GNPNAT1: variants seen among roughly 807,000 people sequenced by gnomAD.
The protein encoded by GNPNAT1 is glucosamine-phosphate N-acetyltransferase 1.
Under a neutral mutation model 19.8 loss-of-function variants are expected in GNPNAT1, and 11 were observed. The ratio of observed to expected loss-of-function variants is 0.56; its 90% CI spans 0.35 to 0.92. The LOEUF is 0.92. Ranked by LOEUF, GNPNAT1 falls within the 40% of genes least tolerant of loss-of-function variation. The pLI is 0.01. For synonymous variants in GNPNAT1, 71 were observed against 72.3 expected, an observed-to-expected ratio of 0.98 and a Z score of 0.09; for missense variants, 157 against 211.0, an observed-to-expected ratio of 0.74 and a Z score of 1.59.
intron 5 of GNPNAT1, among the ~76,000 whole-genome samples, chr14:52,779,740 A>AAC (rs1882841340): frequency 6.6e-6 from 1 of 150,810 alleles, no homozygotes; most frequent in Non-Finnish European, 1.5e-5. Flanking sequence ...AAAAAAAAAA[A>AAC]AAAAAAAAAA....
chr14:52,785,914 G>GT (rs1009700408), intron 1 of GNPNAT1, among the ~76,000 whole-genome samples: 7 of 150,008 alleles, frequency 4.7e-5, no homozygotes, highest in African/African-American at 9.7e-5. Flanking sequence ...CGCCCAGCTA[G>GT]TTTTTTTTGT....
At chr14:52,782,759 A>T (rs903136275) in intron 3 of GNPNAT1, among the ~76,000 whole-genome samples, 6 of 152,100 alleles carry the variant, frequency 3.9e-5, no homozygotes, top group African/African-American at 1.4e-4. Context: ...AATAGAATTC[A>T]ATACAAAATT....
Position 52,778,452 on chromosome 14 carries a change from T to G in GNPNAT1, c.414A>C (p.Leu138Phe). Residue 138 changes from leucine to phenylalanine, a missense_variant, in exon 6 of 6, where the codon TTA becomes TTC. Coordinates refer to ENST00000216410, the MANE Select transcript of GNPNAT1 (RefSeq NM_198066.4). ...CRGKQLGKLL[L>F]STLTLLSKKL... ...TCTTGCTTAGCAAAGTAAGGGTTGA[T>G]AATAACCTGAAATTTAAAAAGGGGG... is the stretch of plus-strand genomic sequence containing the variant. 3.7e-6 allele frequency: 6 copies of G among 1,604,038 alleles called. No homozygotes were observed. The highest frequency in any genetic ancestry group is 5.1e-6 in the Non-Finnish European group (6 of 1,176,984).
chr14:52,790,868 C>T (rs1046406950), intron 1 of GNPNAT1, among the ~76,000 whole-genome samples: 13 of 152,154 alleles, frequency 8.5e-5, no homozygotes, highest in African/African-American at 2.9e-4. Flanking sequence ...ACAGAAATCA[C>T]AGTACAGTAC....
At chr14:52,783,361 C>A in intron 3 of GNPNAT1, 62 bp downstream of exon 3, 1 of 1,114,162 alleles carries the variant, frequency 9.0e-7, no homozygotes, top group Admixed American at 2.0e-5. Flanking sequence ...CACTGAACAG[C>A]TCTAAACAAA....
At chr14:52,786,021 G>A (rs1360885651) in intron 1 of GNPNAT1, among the ~76,000 whole-genome samples, 5 of 146,290 alleles carry the variant, frequency 3.4e-5, no homozygotes, top group Non-Finnish European at 6.0e-5. Flanking sequence ...AAAGTGCTGG[G>A]ATTACAGGTG....
At chr14:52,781,322 A>G (rs1882890188) in intron 4 of GNPNAT1, among the ~76,000 whole-genome samples, 1 of 152,058 alleles carries the variant, frequency 6.6e-6, no homozygotes, top group African/African-American at 2.4e-5. Context: ...ACACATCCCA[A>G]GTGTTCCTAC....
chr14:52,791,226 G>A lies in GNPNAT1; in HGVS notation c.-15+202C>T, dbSNP rs970319228. Among the ~76,000 whole-genome samples the A allele has an allele frequency of 6.6e-6, 1 of 151,716 alleles. No individual in the cohort carries two copies. Among genetic ancestry groups the A allele is most frequent in the African/African-American group, 2.4e-5 (1 of 41,274 alleles). ...TCCTTAACCTCTGCTCCAGGCGCGCGTGCGTTCAACTTCCTGGGAACCGCG... is the reference window on the plus strand; with the variant it reads ...TCCTTAACCTCTGCTCCAGGCGCGCATGCGTTCAACTTCCTGGGAACCGCG... On this transcript the variant is annotated intron_variant, in intron 1 of 5. Coordinates refer to ENST00000216410, the MANE Select transcript of GNPNAT1 (RefSeq NM_198066.4). This position sits in a 1 kb window ranked among gnomAD's most constrained non-coding sequence, Gnocchi z 4.1.
At chr14:52,780,837 T>G in intron 4 of GNPNAT1, 97 bp from the exon 5 acceptor site, 1 of 725,202 alleles carries the variant, frequency 1.4e-6, no homozygotes, top group Middle Eastern at 3.0e-4. Context: ...TAGTATATTT[T>G]GTAAACTTGA....
chr14:52,778,470 A>G lies in GNPNAT1; in HGVS notation c.408-12T>C. 1 of 1,600,740 alleles carries G rather than the reference A, an allele frequency of 6.2e-7. No homozygotes were observed. Among genetic ancestry groups the G allele is most frequent in the African/African-American group, 1.3e-5 (1 of 74,184 alleles). On this transcript the variant is annotated splice_polypyrimidine_tract_variant and intron_variant, in intron 5 of 5. Transcript: ENST00000216410. ...GGGTTGATAATAACCTGAAATTTAA[A>G]AAGGGGGTAGGGTGAGGAGATAGCA...
In GNPNAT1 at chr14:52,777,368, C is replaced by T. The variant is rs559933194; in HGVS notation, c.*943G>A. On this transcript the variant is annotated 3_prime_UTR_variant, in exon 6 of 6. Coordinates refer to ENST00000216410, the MANE Select transcript of GNPNAT1 (RefSeq NM_198066.4). ...AAATAAAATCAAAATAGGATAATGA[C>T]CAGAATAGTGCCATTATAATCACAT... 6.6e-6 allele frequency: 1 copy of T among 152,300 alleles called. No individual in the cohort carries two copies. The highest frequency in any genetic ancestry group is 2.1e-4 in the South Asian group (1 of 4,818). The allele number at this position is 152,300 out of a possible 1,614,324, so 9.4% of individuals were successfully genotyped here.
intron 1 of GNPNAT1, among the ~76,000 whole-genome samples, chr14:52,788,367 C>G (rs1439298808): frequency 6.6e-6 from 1 of 152,168 alleles, no homozygotes; most frequent in East Asian, 1.9e-4. Context: ...CTCCTGACCT[C>G]AAGTGATCCT....
chr14:52,784,654 T>C lies in GNPNAT1; in HGVS notation c.-4A>G, dbSNP rs1882970633. On this transcript the variant is annotated 5_prime_UTR_variant, in exon 2 of 6. Coordinates refer to ENST00000216410, the MANE Select transcript of GNPNAT1 (RefSeq NM_198066.4). Reference sequence around the variant, plus strand: ...TAGGAGTTTCATCAGGTTTCATTTTTCTAGTAAGGTCTAAAATAAAAATTT... The same window carrying C: ...TAGGAGTTTCATCAGGTTTCATTTTCCTAGTAAGGTCTAAAATAAAAATTT... 6.1e-6 allele frequency: 9 copies of C among 1,471,244 alleles called. No homozygotes were observed. Among genetic ancestry groups the C allele is most frequent in the Non-Finnish European group, 8.3e-6 (9 of 1,084,012 alleles). 91.1% of individuals were successfully genotyped at this position (1,471,244 alleles called of 1,614,324 possible).
intron 4 of GNPNAT1, 171 bp downstream of exon 4, chr14:52,781,613 A>C (rs979781928): frequency 1.8e-6 from 1 of 552,746 alleles, no homozygotes; most frequent in Non-Finnish European, 3.0e-6. Context: ...CAATTTTAGC[A>C]TACAATTCAT....
At chr14:52,789,465 TAAG>T (rs1449403259) in intron 1 of GNPNAT1, among the ~76,000 whole-genome samples, 2 of 152,116 alleles carry the variant, frequency 1.3e-5, no homozygotes, top group Admixed American at 6.5e-5. Flanking sequence ...CAGATTGAAA[TAAG>T]AATCTATTAA....
At position 52,778,183 on chromosome 14, in the gene GNPNAT1, T is replaced by C. The variant is rs1882784060; in HGVS notation, c.*128A>G. ...AATCTTCTAAATGTCATTATACTTG[T>C]AGTATTACAATGTTTTTTCAGTCCA... On this transcript the variant is annotated 3_prime_UTR_variant, in exon 6 of 6. Coordinates refer to ENST00000216410, the MANE Select transcript of GNPNAT1 (RefSeq NM_198066.4). 2 of 595,254 alleles carry C rather than the reference T, an allele frequency of 3.4e-6. No individual in the cohort carries two copies. Among genetic ancestry groups the C allele is most frequent in the Non-Finnish European group, 5.7e-6 (2 of 352,184 alleles). The allele number at this position is 595,254 out of a possible 1,614,324, so 36.9% of individuals were successfully genotyped here. A position where few individuals can be genotyped will look rare whatever the true frequency, so the allele number is the denominator to read the frequency against.
intron 1 of GNPNAT1, among the ~76,000 whole-genome samples, chr14:52,786,805 T>G (rs1041256185): frequency 6.7e-6 from 1 of 150,062 alleles, no homozygotes; most frequent in Non-Finnish European, 1.5e-5. Flanking sequence ...CAATTAAAAG[T>G]TGAGTATTCC....
chr14:52,789,830 C>T (rs1359253553), intron 1 of GNPNAT1, among the ~76,000 whole-genome samples: 1 of 152,008 alleles, frequency 6.6e-6, no homozygotes, highest in Admixed American at 6.6e-5. Flanking sequence ...AAACACTAAT[C>T]CTCCTTAAGT....
rs1200544977 is a variant in GNPNAT1 at position 52,777,273 on chromosome 14, G to A, written c.*1038C>T. 6.6e-6 allele frequency: 1 copy of A among 152,540 alleles called. No homozygotes were observed. The highest frequency in any genetic ancestry group is 1.5e-5 in the Non-Finnish European group (1 of 68,020). The allele number at this position is 152,540 out of a possible 1,614,324, so 9.4% of individuals were successfully genotyped here. A position where few individuals can be genotyped will look rare whatever the true frequency, so the allele number is the denominator to read the frequency against. On this transcript the variant is annotated 3_prime_UTR_variant, in exon 6 of 6. Coordinates refer to ENST00000216410, the MANE Select transcript of GNPNAT1 (RefSeq NM_198066.4). Reference sequence around the variant, plus strand: ...TAACAGAAGACTACTCATATAAACAGGTTTAATGCAACATGGAATGCAAAA... The same window carrying A: ...TAACAGAAGACTACTCATATAAACAAGTTTAATGCAACATGGAATGCAAAA...
Sources: allele counts gnomAD v4.1 joint callset (sites outside exome capture counted in the v4.1 genomes callset), GRCh38; gene constraint gnomAD v4.1.1; non-coding constraint Gnocchi (gnomAD v3.1); transcripts MANE v1.5; gene names NCBI Gene and HGNC (gene_info 2026-07-23, HGNC 2026-07-21).